ARFGEF2: variants seen among roughly 807,000 people sequenced by gnomAD.
ARFGEF2 encodes the protein ARF guanine nucleotide exchange factor 2, also known as brefeldin A-inhibited guanine nucleotide-exchange protein 2.
ARFGEF2 carries 74 observed loss-of-function variants against 219.9 expected under a neutral mutation model. That is an observed-to-expected ratio of 0.34 (90% CI 0.28 to 0.41). ARFGEF2 has a LOEUF of 0.41. ARFGEF2 is among the 10% of genes least tolerant of loss of function. ARFGEF2 has a pLI of 1.00. For synonymous variants in ARFGEF2, 733 were observed against 799.2 expected (o/e 0.92, Z 1.40); for missense variants, 1,743 against 2,218.3 (o/e 0.79, Z 4.30).
At chr20:48,962,947 G>A (rs1046067740) in intron 6 of ARFGEF2, among the ~76,000 whole-genome samples, 2 of 152,042 alleles carry the variant, frequency 1.3e-5, no homozygotes, top group African/African-American at 2.4e-5. Flanking sequence ...AATGGCTCAC[G>A]CTTGTAATCC....
intron 15 of ARFGEF2, 105 bp from the exon 16 acceptor site, chr20:48,985,302 TG>T: frequency 8.3e-7 from 1 of 1,203,490 alleles, no homozygotes; most frequent in Non-Finnish European, 1.2e-6. Flanking sequence ...CAGCCTATTC[TG>T]GGCAGTTAGG....
intron 26 of ARFGEF2, among the ~76,000 whole-genome samples, chr20:49,005,431 C>T (rs1408855095): frequency 6.6e-6 from 1 of 152,044 alleles, no homozygotes; most frequent in Non-Finnish European, 1.5e-5. Flanking sequence ...TGTCACCCTG[C>T]AACTTGTAGA....
intron 5 of ARFGEF2, 43 bp downstream of exon 5, chr20:48,952,927 T>C: frequency 6.3e-7 from 1 of 1,596,748 alleles, no homozygotes; most frequent in South Asian, 1.1e-5. Context: ...ACATCATTGC[T>C]CTCTGAACTC....
intron 16 of ARFGEF2, among the ~76,000 whole-genome samples, 191 bp downstream of exon 16, chr20:48,985,804 T>A (rs188272094): frequency 6.6e-6 from 1 of 152,302 alleles, no homozygotes; most frequent in Admixed American, 6.5e-5. Context: ...ATGTCCCTAT[T>A]CTACAGACAA....
At position 48,951,364 on chromosome 20, in the gene ARFGEF2, C is replaced by G; in HGVS notation, c.318C>G (p.Asp106Glu). The change falls in exon 4 of 39, where the codon GAC (aspartate) becomes GAG (glutamate). Residue 106 changes from aspartate (D) to glutamate (E), a missense_variant. Around this residue, in one of 5 missense-constraint regions of ARFGEF2, gnomAD observed 394 missense variants for 426.6 expected, o/e 0.92. Coordinates refer to ENST00000371917, the MANE Select transcript of ARFGEF2 (RefSeq NM_006420.3). ...AYGHITGNAP[D>E]SGAPGKRLID... Reference sequence around the variant, plus strand: ...GGCACATCACTGGCAACGCCCCTGACAGTGGAGCCCCTGGGAAGCGGCTGA... The same window carrying G: ...GGCACATCACTGGCAACGCCCCTGAGAGTGGAGCCCCTGGGAAGCGGCTGA... 1 of 1,614,220 alleles carries G rather than the reference C, an allele frequency of 6.2e-7. No individual in the cohort carries two copies. The highest frequency in any genetic ancestry group is 8.5e-7 in the Non-Finnish European group (1 of 1,180,044).
chr20:48,948,935 A>G (rs1218426795), intron 3 of ARFGEF2, among the ~76,000 whole-genome samples: 1 of 152,244 alleles, frequency 6.6e-6, no homozygotes, highest in Non-Finnish European at 1.5e-5. Context: ...CCCAGTTAGG[A>G]CTTTGAGCTT....
intron 16 of ARFGEF2, 80 bp from the exon 17 acceptor site, chr20:48,988,224 C>T (rs1427093248): frequency 2.4e-5 from 25 of 1,049,894 alleles, no homozygotes; most frequent in Non-Finnish European, 2.9e-5. Flanking sequence ...CTGCTTTTCT[C>T]GTGAAGTGTG....
intron 1 of ARFGEF2, among the ~76,000 whole-genome samples, chr20:48,926,736 T>G (rs2090879185): frequency 6.6e-6 from 1 of 152,234 alleles, no homozygotes; most frequent in Admixed American, 6.5e-5. Context: ...TTATTAATTC[T>G]GGAGTTGTGA....
chr20:48,940,198 A>G (rs2090985075), intron 1 of ARFGEF2, among the ~76,000 whole-genome samples: 1 of 152,306 alleles, frequency 6.6e-6, no homozygotes, highest in Non-Finnish European at 1.5e-5. Context: ...GGGTAGTGCA[A>G]CCTCTGTGGT....
intron 10 of ARFGEF2, among the ~76,000 whole-genome samples, chr20:48,971,615 C>T (rs1199395713): frequency 6.6e-6 from 1 of 152,122 alleles, no homozygotes; most frequent in African/African-American, 2.4e-5. Context: ...AAGTTACTGC[C>T]CCCAGCCTGG....
chr20:49,028,499 T>C (rs1323624156), intron 36 of ARFGEF2, 31 bp from the exon 37 acceptor site: 2 of 1,608,318 alleles, frequency 1.2e-6, no homozygotes, highest in African/African-American at 2.7e-5. Flanking sequence ...CTTAGAAATG[T>C]GCACTAATTA....
At chr20:48,937,415 T>C (rs2123303419) in intron 1 of ARFGEF2, among the ~76,000 whole-genome samples, 1 of 152,306 alleles carries the variant, frequency 6.6e-6, no homozygotes, top group East Asian at 1.9e-4. Context: ...TCTTTATTTC[T>C]TTTTTATTAG....
At chr20:48,948,503 G>A (rs1399242723) in intron 3 of ARFGEF2, among the ~76,000 whole-genome samples, 1 of 152,164 alleles carries the variant, frequency 6.6e-6, no homozygotes, top group East Asian at 1.9e-4. Flanking sequence ...AAAGTAAATA[G>A]AACCAACTTC....
In ARFGEF2 at chr20:48,951,419, T is replaced by A; in HGVS notation, c.373T>A (p.Cys125Ser). 1 of 1,614,260 alleles carries A rather than the reference T, an allele frequency of 6.2e-7. No individual in the cohort carries two copies. The highest frequency in any genetic ancestry group is 8.5e-7 in the Non-Finnish European group (1 of 1,180,050). ...IDRIVETICS[C>S]FQGPQTDEGV... is the part of the protein sequence containing the mutation. The stretch of plus-strand genomic sequence containing the variant: ...CAGAATTGTTGAAACCATTTGCAGT[T>A]GTTTTCAGGGCCCTCAGACTGATGA... The change falls in exon 4 of 39, where the codon TGT (cysteine) becomes AGT (serine). Residue 125 changes from cysteine to serine, a missense_variant. Transcript: ENST00000371917.
intron 34 of ARFGEF2, among the ~76,000 whole-genome samples, chr20:49,022,792 A>C (rs1185507835): frequency 6.6e-6 from 1 of 151,442 alleles, no homozygotes; most frequent in Non-Finnish European, 1.5e-5. Context: ...TTTTTTGTCC[A>C]GTTTATTCAT....
At chr20:48,970,682 T>C (rs2091221351) in intron 9 of ARFGEF2, among the ~76,000 whole-genome samples, 1 of 152,162 alleles carries the variant, frequency 6.6e-6, no homozygotes, top group Non-Finnish European at 1.5e-5. Context: ...AAATGTACCA[T>C]TTCTTACCAT....
At chr20:48,997,284 T>TGATTGATG (rs144925556) in intron 23 of ARFGEF2, among the ~76,000 whole-genome samples, 1 of 151,992 alleles carries the variant, frequency 6.6e-6, no homozygotes, top group Non-Finnish European at 1.5e-5. Flanking sequence ...ATTGATTGAT[T>TGATTGATG]GATTGATTGA....
intron 6 of ARFGEF2, among the ~76,000 whole-genome samples, chr20:48,961,479 A>G (rs1450538884): frequency 6.7e-6 from 1 of 150,146 alleles, no homozygotes; most frequent in Non-Finnish European, 1.5e-5. Flanking sequence ...TAATAACAAT[A>G]CTTTCTTCCG....
intron 26 of ARFGEF2, among the ~76,000 whole-genome samples, chr20:49,008,229 T>C (rs1274124084): frequency 1.3e-5 from 2 of 152,232 alleles, no homozygotes; most frequent in African/African-American, 4.8e-5. Flanking sequence ...TAAATGTTGG[T>C]ACCGGTACAA....
Sources: allele counts gnomAD v4.1 joint callset (sites outside exome capture counted in the v4.1 genomes callset), GRCh38; gene constraint gnomAD v4.1.1; regional missense constraint gnomAD v4.1.1; transcripts MANE v1.5; gene names NCBI Gene and HGNC (gene_info 2026-07-23, HGNC 2026-07-21).